ZZZ3: variants seen among roughly 807,000 people sequenced by gnomAD.
ZZZ3 encodes the protein ZZ-type zinc finger-containing protein 3.
A neutral mutation model predicts 95.2 loss-of-function variants in ZZZ3; 22 were observed. That is an observed-to-expected ratio of 0.23 (90% CI 0.17 to 0.33). ZZZ3 has a LOEUF of 0.33. Ranked by LOEUF, ZZZ3 falls within the 10% of genes least tolerant of loss-of-function variation. The probability of loss-of-function intolerance (pLI) is 1.00; values close to 1 mark genes in which losing one functional copy is unlikely to be tolerated. For missense variants in ZZZ3, 885 were observed against 1,066.5 expected, an observed-to-expected ratio of 0.83 and a Z score of 2.37; for synonymous variants, 335 against 358.9, an observed-to-expected ratio of 0.93 and a Z score of 0.75.
chr1:77,567,111 G>T (rs770654364), intron 13 of ZZZ3, among the ~76,000 whole-genome samples: 17 of 152,082 alleles, frequency 1.1e-4, no homozygotes, highest in Non-Finnish European at 2.5e-4. Flanking sequence ...TTTTAATTTG[G>T]TTTACCAGTC....
chr1:77,609,974 CA>C (rs1665623462), intron 5 of ZZZ3, among the ~76,000 whole-genome samples: 1 of 151,352 alleles, frequency 6.6e-6, no homozygotes, highest in African/African-American at 2.4e-5. Context: ...CATCTTAAAG[CA>C]AGAGCAAACC....
chr1:77,669,850 T>A (rs571255914), intron 1 of ZZZ3, among the ~76,000 whole-genome samples: 467 of 148,758 alleles, frequency 3.1e-3, no homozygotes, highest in Non-Finnish European at 5.1e-3. Context: ...CCAGCTGATT[T>A]AAAAAAAAAA....
intron 12 of ZZZ3, among the ~76,000 whole-genome samples, chr1:77,571,148 G>T (rs1190561007): frequency 2.0e-5 from 3 of 152,040 alleles, no homozygotes; most frequent in African/African-American, 7.2e-5. Flanking sequence ...CAGATATTTT[G>T]CAAATGCAAA....
intron 10 of ZZZ3, 95 bp downstream of exon 10, chr1:77,579,432 G>A: frequency 1.1e-6 from 1 of 896,220 alleles, no homozygotes; most frequent in Non-Finnish European, 1.8e-6. Flanking sequence ...AGCTGAAAGT[G>A]TTATGGCAGA....
chr1:77,640,341 C>T (rs930977787), intron 3 of ZZZ3, among the ~76,000 whole-genome samples: 1 of 151,980 alleles, frequency 6.6e-6, no homozygotes, highest in Non-Finnish European at 1.5e-5. Context: ...TGGCTCGCAC[C>T]TGTAATCCCA....
chr1:77,617,529 T>A (rs1666432248), intron 5 of ZZZ3, among the ~76,000 whole-genome samples: 2 of 152,232 alleles, frequency 1.3e-5, no homozygotes, highest in Non-Finnish European at 2.9e-5. Context: ...CATCAGCTGA[T>A]GGACACTTGA....
Position 77,576,048 on chromosome 1 carries a change from A to G in ZZZ3, c.2331+20T>C. ...CTTCTATACCTTGATGTATATAACA[A>G]CTTGATGTGTATAACTTACTGATGC... On this transcript the variant is annotated intron_variant, in intron 12 of 14. Transcript: ENST00000370801. The G allele has an allele frequency of 6.3e-7, 1 of 1,583,032 alleles. No homozygotes were observed. The highest frequency in any genetic ancestry group is 1.4e-5 in the African/African-American group (1 of 73,822).
Position 77,568,471 on chromosome 1 carries a change from CAAAAAA to C in ZZZ3, c.2332-11_2332-6del, listed in dbSNP as rs10581619. 1.5e-3 allele frequency: 906 copies of C among 591,558 alleles called. No homozygotes were observed. Among genetic ancestry groups the C allele is most frequent in the South Asian group, 1.6e-3 (34 of 21,916 alleles). The allele number at this position is 591,558 out of a possible 1,614,324, so 36.6% of individuals were successfully genotyped here. A position where few individuals can be genotyped will look rare whatever the true frequency, so the allele number is the denominator to read the frequency against. ...GATAGGAATACTTTCGTCATCCTAT[CAAAAAA>C]AAAAAAAAAAAAAAATGTTGGTTTG... On this transcript the variant is annotated splice_region_variant and splice_polypyrimidine_tract_variant and intron_variant, in intron 12 of 14. Transcript: ENST00000370801.
At chr1:77,590,702 T>C (rs564816247) in intron 5 of ZZZ3, among the ~76,000 whole-genome samples, 24 of 152,352 alleles carry the variant, frequency 1.6e-4, no homozygotes, top group African/African-American at 5.5e-4. Context: ...AAAATTTAAA[T>C]ATAGATTGTG....
intron 1 of ZZZ3, among the ~76,000 whole-genome samples, chr1:77,682,337 G>C (rs1286137970): frequency 7.2e-5 from 11 of 152,210 alleles, no homozygotes; most frequent in South Asian, 6.2e-4. Context: ...GGAATCATCA[G>C]GTCTGCGCGA....
At chr1:77,571,019 T>C (rs944095034) in intron 12 of ZZZ3, among the ~76,000 whole-genome samples, 1 of 151,988 alleles carries the variant, frequency 6.6e-6, no homozygotes. Context: ...ATGATTGTTA[T>C]TACCATACTA....
chr1:77,653,193 AAGGC>A (rs968275259), intron 1 of ZZZ3, among the ~76,000 whole-genome samples: 8 of 152,080 alleles, frequency 5.3e-5, no homozygotes, highest in Non-Finnish European at 1.0e-4. Flanking sequence ...AAAGAAAAAA[AAGGC>A]AGGCAGGCAG....
intron 1 of ZZZ3, among the ~76,000 whole-genome samples, chr1:77,649,477 G>A (rs1171983281): frequency 6.6e-6 from 1 of 151,864 alleles, no homozygotes; most frequent in Non-Finnish European, 1.5e-5. Flanking sequence ...ATGCATTATA[G>A]GAAATGTTAA....
intron 1 of ZZZ3, among the ~76,000 whole-genome samples, 186 bp from the exon 2 acceptor site, chr1:77,641,841 T>C (rs1668803217): frequency 6.6e-6 from 1 of 152,210 alleles, no homozygotes; most frequent in Admixed American, 6.5e-5. Flanking sequence ...TGGCTAACAC[T>C]TCCAAGTTCT....
intron 5 of ZZZ3, among the ~76,000 whole-genome samples, chr1:77,591,651 A>G (rs1270199232): frequency 3.9e-5 from 6 of 152,198 alleles, no homozygotes; most frequent in African/African-American, 4.8e-5. Context: ...CACTTTCAAT[A>G]AAACTCCAGA....
chr1:77,672,134 G>A (rs1355128026), intron 1 of ZZZ3, among the ~76,000 whole-genome samples: 1 of 152,196 alleles, frequency 6.6e-6, no homozygotes, highest in Admixed American at 6.5e-5. Flanking sequence ...CGAAACTGAA[G>A]AGTGCAGTAG....
At chr1:77,576,828 T>C (rs560695369) in intron 11 of ZZZ3, among the ~76,000 whole-genome samples, 1 of 152,256 alleles carries the variant, frequency 6.6e-6, no homozygotes, top group African/African-American at 2.4e-5. Flanking sequence ...CCAATTTGTG[T>C]TGGGCCACAT....
chr1:77,599,891 C>T (rs1664568630), intron 5 of ZZZ3, among the ~76,000 whole-genome samples: 1 of 152,006 alleles, frequency 6.6e-6, no homozygotes, highest in South Asian at 2.1e-4. Flanking sequence ...TCCAAAAAGT[C>T]TTCATTATAT....
At chr1:77,631,800 T>C in intron 5 of ZZZ3, 50 bp downstream of exon 5, 1 of 1,402,386 alleles carries the variant, frequency 7.1e-7, no homozygotes, top group Non-Finnish European at 9.6e-7. Flanking sequence ...CTGAAAAACT[T>C]GGGGAATAAT....
Sources: allele counts gnomAD v4.1 joint callset (sites outside exome capture counted in the v4.1 genomes callset), GRCh38; gene constraint gnomAD v4.1.1; transcripts MANE v1.5; gene names NCBI Gene and HGNC (gene_info 2026-07-23, HGNC 2026-07-21).